Variants in SMARCAL1 observed in about 807,000 individuals in gnomAD.
SMARCAL1 encodes ATP-driven annealing helicase.
A neutral mutation model predicts 94.5 loss-of-function variants in SMARCAL1; 58 were observed. The ratio of observed to expected loss-of-function variants is 0.61; its 90% confidence interval spans 0.50 to 0.76. The LOEUF (loss-of-function observed/expected upper bound fraction) is 0.76, where lower values mean the gene tolerates loss of function less well. Ranked by LOEUF, SMARCAL1 falls within the 30% of genes least tolerant of loss-of-function variation. The pLI, the probability that SMARCAL1 is intolerant of heterozygous loss-of-function variation, is 0.00. For missense variants in SMARCAL1, 1,051 were observed against 1,177.9 expected (o/e 0.89, Z 1.58); for synonymous variants, 422 against 455.1 (o/e 0.93, Z 0.93).
At chr2:216,461,498 A>T (rs1388776923) in intron 12 of SMARCAL1, among the ~76,000 whole-genome samples, 3 of 152,194 alleles carry the variant, frequency 2.0e-5, no homozygotes, top group Non-Finnish European at 4.4e-5. Flanking sequence ...TTACTGTCTT[A>T]TGAAGACTTT....
intron 10 of SMARCAL1, among the ~76,000 whole-genome samples, chr2:216,440,110 A>G (rs1371212009): frequency 6.6e-6 from 1 of 152,130 alleles, no homozygotes; most frequent in Admixed American, 6.5e-5. Flanking sequence ...ATATGTCAAT[A>G]GCCATTGATG....
rs370689030 is a variant in SMARCAL1, at chr2:216,432,725, A to G, written c.1342A>G (p.Ile448Val). The G allele has an allele frequency of 6.6e-5, 106 of 1,613,996 alleles. No homozygotes were observed. The highest frequency in any genetic ancestry group is 8.6e-5 in the Non-Finnish European group (101 of 1,180,040). The change falls in exon 8 of 18, where the codon ATA becomes GTA. Residue 448 changes from isoleucine (I) to valine (V), a missense_variant. By Grantham distance (29) the Ile-to-Val change is conservative. Around this residue, in one of 3 missense-constraint regions of SMARCAL1, gnomAD observed 642 missense variants for 754.7 expected, o/e 0.85. Coordinates refer to ENST00000357276, the MANE Select transcript of SMARCAL1 (RefSeq NM_014140.4). Reference sequence around the variant, plus strand: ...CACCTTGTCTGCCTTCAGTTTTGCCATAGCCAAAGGAGGCCGCCTGCTGCT... The same window carrying G: ...CACCTTGTCTGCCTTCAGTTTTGCCGTAGCCAAAGGAGGCCGCCTGCTGCT... ...PFQRAGVNFA[I>V]AKGGRLLLAD...
intron 9 of SMARCAL1, 85 bp from the exon 10 acceptor site, chr2:216,438,335 C>A: frequency 8.5e-7 from 1 of 1,172,172 alleles, no homozygotes; most frequent in Non-Finnish European, 1.3e-6. Flanking sequence ...TTGCACTTGC[C>A]ATGCCAGGGT....
intron 14 of SMARCAL1, among the ~76,000 whole-genome samples, chr2:216,472,497 T>TTTC (rs1694989422): frequency 6.6e-6 from 1 of 152,146 alleles, no homozygotes; most frequent in East Asian, 1.9e-4. Context: ...GCAATGAGTG[T>TTTC]GTATTATTTT....
At chr2:216,440,549 A>G (rs182567762) in intron 10 of SMARCAL1, among the ~76,000 whole-genome samples, 1 of 152,276 alleles carries the variant, frequency 6.6e-6, no homozygotes, top group East Asian at 1.9e-4. Context: ...TTAATATTTT[A>G]AAATAAGCCT....
intron 10 of SMARCAL1, among the ~76,000 whole-genome samples, chr2:216,445,831 G>A (rs769085832): frequency 6.6e-5 from 10 of 152,196 alleles, no homozygotes; most frequent in Non-Finnish European, 1.2e-4. Flanking sequence ...TTAGATAATT[G>A]TGTATATTGT....
intron 6 of SMARCAL1, among the ~76,000 whole-genome samples, chr2:216,424,421 A>G (rs1431830413): frequency 2.6e-5 from 4 of 152,298 alleles, no homozygotes; most frequent in South Asian, 2.1e-4. Flanking sequence ...AGCATGGCTT[A>G]TGTTCCTCTG....
rs560174733 is a variant in SMARCAL1, at chr2:216,420,375, C to T, written c.939C>T (p.Ser313=). 19 of 1,614,198 alleles carry T rather than the reference C, an allele frequency of 1.2e-5. No homozygotes were observed. The highest frequency in any genetic ancestry group is 1.5e-5 in the Non-Finnish European group (18 of 1,180,016). ...CCTATGGCAGCAGCGAGTCACCCTC[C>T]ACCAGCAGTGAGGGACAGGCCGGCC... ...EWAYGSSESP[S]TSSEGQAGLP... is the part of the protein sequence containing the mutation. Residue 313 remains serine (S), a synonymous_variant, in exon 5 of 18, where the codon TCC becomes TCT. Transcript: ENST00000357276.
At chr2:216,457,421 T>C (rs1215487159) in intron 12 of SMARCAL1, among the ~76,000 whole-genome samples, 2 of 152,210 alleles carry the variant, frequency 1.3e-5, no homozygotes, top group Non-Finnish European at 2.9e-5. Context: ...TATTCCAAAA[T>C]TGACCACATA....
chr2:216,475,148 T>G lies in SMARCAL1; in HGVS notation c.2245-121T>G. 2 of 897,300 alleles carry G rather than the reference T, an allele frequency of 2.2e-6. No homozygotes were observed. Among genetic ancestry groups the G allele is most frequent in the Non-Finnish European group, 3.5e-6 (2 of 565,762 alleles). 55.6% of individuals were successfully genotyped at this position (897,300 alleles called of 1,614,324 possible). A position where few individuals can be genotyped will look rare whatever the true frequency, so the allele number is the denominator to read the frequency against. ...AATGTCAATTTGAAAAGAAAAGCTCTGAAGGCAGGGGCCTCTGCTGAGCTG... is the reference window on the plus strand; with the variant it reads ...AATGTCAATTTGAAAAGAAAAGCTCGGAAGGCAGGGGCCTCTGCTGAGCTG... On this transcript the variant is annotated intron_variant, in intron 14 of 17. Coordinates refer to ENST00000357276, the MANE Select transcript of SMARCAL1 (RefSeq NM_014140.4). This position sits in a 1 kb window ranked among gnomAD's most constrained non-coding sequence, Gnocchi z 4.4.
At chr2:216,470,059 G>A (rs1559137051) in intron 14 of SMARCAL1, among the ~76,000 whole-genome samples, 1 of 151,734 alleles carries the variant, frequency 6.6e-6, no homozygotes, top group Admixed American at 6.6e-5. Flanking sequence ...TCCTTTGCCT[G>A]TTTTTCTGTT....
intron 14 of SMARCAL1, among the ~76,000 whole-genome samples, chr2:216,469,878 A>T (rs1379868550): frequency 6.6e-6 from 1 of 152,224 alleles, no homozygotes; most frequent in South Asian, 2.1e-4. Context: ...CTGTGTGCCC[A>T]TTAACACTGG....
chr2:216,433,895 G>T (rs533957596), intron 8 of SMARCAL1, among the ~76,000 whole-genome samples: 1 of 149,622 alleles, frequency 6.7e-6, no homozygotes, highest in Non-Finnish European at 1.5e-5. Context: ...CCAAGGCCCA[G>T]ATGTGCTATT....
At position 216,423,630 on chromosome 2, in the gene SMARCAL1, C is replaced by A; in HGVS notation, c.1097-3C>A. On this transcript the variant is annotated splice_polypyrimidine_tract_variant and splice_region_variant and intron_variant, in intron 5 of 17. Coordinates refer to ENST00000357276, the MANE Select transcript of SMARCAL1 (RefSeq NM_014140.4). ...TTTGCTTATTTATTTCTTGTCATTG[C>A]AGATGTCAAGACCAGGAAGTGGAGC... 1 of 1,612,256 alleles carries A rather than the reference C, an allele frequency of 6.2e-7. No homozygotes were observed. The highest frequency in any genetic ancestry group is 1.3e-5 in the African/African-American group (1 of 75,022).
chr2:216,454,590 T>C (rs1440497541), intron 12 of SMARCAL1, among the ~76,000 whole-genome samples: 2 of 152,182 alleles, frequency 1.3e-5, no homozygotes, highest in Non-Finnish European at 2.9e-5. Context: ...GCCTCCCTCA[T>C]AGCAATGCTG....
intron 10 of SMARCAL1, among the ~76,000 whole-genome samples, chr2:216,439,350 A>G (rs1694148879): frequency 6.6e-6 from 1 of 150,542 alleles, no homozygotes; most frequent in African/African-American, 2.4e-5. Context: ...TTTTTTTCCT[A>G]TTATTGTAAG....
chr2:216,425,430 G>T (rs546249697), intron 6 of SMARCAL1, among the ~76,000 whole-genome samples: 3 of 152,320 alleles, frequency 2.0e-5, no homozygotes, highest in East Asian at 1.9e-4. Flanking sequence ...GAGCCCTAAG[G>T]GGGTGTTACA....
chr2:216,425,352 T>C (rs1693808126), intron 6 of SMARCAL1, among the ~76,000 whole-genome samples: 1 of 152,212 alleles, frequency 6.6e-6, no homozygotes, highest in Non-Finnish European at 1.5e-5. Context: ...AGCTTCTGCC[T>C]TGGGCACCAG....
At chr2:216,480,914 T>C (rs1695180357) in intron 17 of SMARCAL1, among the ~76,000 whole-genome samples, 1 of 152,046 alleles carries the variant, frequency 6.6e-6, no homozygotes, top group South Asian at 2.1e-4. Flanking sequence ...TGTAGGCTGT[T>C]TGAAATGGGA....
Sources: allele counts gnomAD v4.1 joint callset (sites outside exome capture counted in the v4.1 genomes callset), GRCh38; gene constraint gnomAD v4.1.1; regional missense constraint gnomAD v4.1.1; non-coding constraint Gnocchi (gnomAD v3.1); transcripts MANE v1.5; gene names NCBI Gene and HGNC (gene_info 2026-07-23, HGNC 2026-07-21).